Variants in FRMD6 observed in about 807,000 individuals in gnomAD.
FRMD6 encodes FERM domain containing 6, also known as FERM domain-containing protein 6.
FRMD6 carries 37 observed loss-of-function variants against 73.2 expected under a neutral mutation model. The observed-to-expected ratio is 0.51, with a 90% CI of 0.39 to 0.66. The LOEUF is 0.66. Among genes scored for constraint, FRMD6 ranks in the 30% least tolerant of loss-of-function variants. FRMD6 has a pLI of 0.00. For missense variants in FRMD6, 714 were observed against 780.5 expected, an observed-to-expected ratio of 0.91 and a Z score of 1.02; for synonymous variants, 273 against 282.2, an observed-to-expected ratio of 0.97 and a Z score of 0.33.
chr14:51,539,400 AG>A (rs1886082602), intron 1 of FRMD6, among the ~76,000 whole-genome samples: 1 of 152,204 alleles, frequency 6.6e-6, no homozygotes, highest in Admixed American at 6.5e-5. Context: ...CCCAGCAGAC[AG>A]TAAGCCTCTG....
chr14:51,715,893 G>A (rs1014630309), intron 10 of FRMD6, among the ~76,000 whole-genome samples: 7 of 152,184 alleles, frequency 4.6e-5, no homozygotes, highest in African/African-American at 1.2e-4. Context: ...ATTATCCACA[G>A]GTGGTCTGGA....
chr14:51,474,419 G>A, the FRMD6 span, among the ~76,000 whole-genome samples: 2 of 152,212 alleles, frequency 1.3e-5, no homozygotes, highest in South Asian at 4.1e-4. Flanking sequence ...TTTGGGACTG[G>A]CGGGAAAGAT....
intron 2 of FRMD6, among the ~76,000 whole-genome samples, chr14:51,592,205 G>C (rs1040122115): frequency 6.6e-6 from 1 of 152,206 alleles, no homozygotes; most frequent in Admixed American, 6.5e-5. Context: ...AAAAAAGCTT[G>C]GTTTAAAATT....
At chr14:51,523,844 C>T (rs979807214) in intron 1 of FRMD6, among the ~76,000 whole-genome samples, 11 of 152,150 alleles carry the variant, frequency 7.2e-5, no homozygotes, top group Non-Finnish European at 1.3e-4. Flanking sequence ...CAGTGTTACA[C>T]GTTTGGAAGT....
At chr14:51,580,578 T>C (rs1255884841) in intron 2 of FRMD6, among the ~76,000 whole-genome samples, 1 of 152,198 alleles carries the variant, frequency 6.6e-6, no homozygotes. Context: ...ATCAGAATCC[T>C]ACCCAATATA....
chr14:51,643,509 AT>A (rs1407251031), intron 2 of FRMD6: 1 of 152,216 alleles, frequency 6.6e-6, no homozygotes, highest in African/African-American at 2.4e-5. Flanking sequence ...GTTGACCTGA[AT>A]TTTGGGATTG....
chr14:51,566,624 C>A (rs1420457824), intron 1 of FRMD6, among the ~76,000 whole-genome samples: 1 of 152,182 alleles, frequency 6.6e-6, no homozygotes, highest in Non-Finnish European at 1.5e-5. Flanking sequence ...AGTAGCCAGG[C>A]AATCCACCAT....
chr14:51,431,989 G>A, the FRMD6 span, among the ~76,000 whole-genome samples: 25 of 152,216 alleles, frequency 1.6e-4, no homozygotes, highest in Admixed American at 5.2e-4. Flanking sequence ...TCCAGCCCTG[G>A]AGACTACAAG....
rs1322842942 is a variant in FRMD6, at chr14:51,727,917, G to A, written c.1757G>A (p.Ser586Asn). 6.2e-7 allele frequency: 1 copy of A among 1,614,204 alleles called. No individual in the cohort carries two copies. The highest frequency in any genetic ancestry group is 8.5e-7 in the Non-Finnish European group (1 of 1,180,024). The change falls in exon 14 of 14, where the codon AGT (serine) becomes AAT (asparagine). Residue 586 changes from serine to asparagine, a missense_variant. By Grantham distance (46) the Ser-to-Asn change is conservative. Coordinates refer to ENST00000344768, the MANE Select transcript of FRMD6 (RefSeq NM_001267046.2). ...GATGAGGAAGGCCTCTATTGCAACA[G>A]TTGCTTGGCCCAGCAGTGCATCAAC... ...ELDEEGLYCN[S>N]CLAQQCINIQ...
intron 1 of FRMD6, among the ~76,000 whole-genome samples, chr14:51,569,750 T>C (rs565593223): frequency 6.1e-4 from 92 of 151,836 alleles, no homozygotes; most frequent in Middle Eastern, 3.4e-3. Flanking sequence ...GATGTGCCCA[T>C]GTCAGCCTCC....
chr14:51,481,046 G>A, the FRMD6 span, among the ~76,000 whole-genome samples: 4 of 152,130 alleles, frequency 2.6e-5, no homozygotes, highest in East Asian at 1.9e-4. Flanking sequence ...AATATTTGGG[G>A]GATATCTATT....
At chr14:51,636,866 T>C (rs1036885871) in intron 2 of FRMD6, among the ~76,000 whole-genome samples, 2 of 152,188 alleles carry the variant, frequency 1.3e-5, no homozygotes, top group Non-Finnish European at 2.9e-5. Context: ...GTGAGGCCAC[T>C]GTAGAGAAAA....
intron 7 of FRMD6, 54 bp from the exon 8 acceptor site, chr14:51,711,476 CT>C: frequency 8.3e-7 from 1 of 1,201,448 alleles, no homozygotes; most frequent in Non-Finnish European, 1.2e-6. Context: ...AAATTGTCCA[CT>C]GTAGAAAAAA....
intron 1 of FRMD6, among the ~76,000 whole-genome samples, chr14:51,509,920 T>A (rs938428845): frequency 6.6e-6 from 1 of 152,192 alleles, no homozygotes; most frequent in African/African-American, 2.4e-5. Context: ...GCCACTGCCC[T>A]GCGCGTACGT....
intron 1 of FRMD6, among the ~76,000 whole-genome samples, chr14:51,663,019 A>G (rs1225215531): frequency 6.6e-6 from 1 of 152,246 alleles, no homozygotes; most frequent in Non-Finnish European, 1.5e-5. Flanking sequence ...CATATGAAAA[A>G]AAAGCTTGTC....
In FRMD6 at chr14:51,708,230, T is replaced by G; in HGVS notation, c.711T>G (p.Tyr237Ter). The change falls in exon 7 of 14, where the codon TAT becomes TAG. Residue 237 changes from tyrosine (Y) to a stop codon, truncating the protein, a stop_gained. Transcript: ENST00000344768. LOFTEE classifies it high-confidence loss of function. ...TCGCTGTTCATTACTACAGATTGTA[T>G]AAGGTATGAAACGGCAACTAAGTCT... ...DDVAVHYYRL[Y>*]KDKREIEASL... is the part of the protein sequence containing the mutation. 1 of 1,612,710 alleles carries G rather than the reference T, an allele frequency of 6.2e-7. No individual in the cohort carries two copies. Among genetic ancestry groups the G allele is most frequent in the Non-Finnish European group, 8.5e-7 (1 of 1,179,208 alleles).
intron 2 of FRMD6, among the ~76,000 whole-genome samples, chr14:51,601,154 C>A (rs1890018151): frequency 6.6e-6 from 1 of 152,168 alleles, no homozygotes; most frequent in Non-Finnish European, 1.5e-5. Context: ...ATCCACTATG[C>A]TTTGGGTAGA....
Position 51,665,218 on chromosome 14 carries a change from G to A in FRMD6, c.-147+13222G>A, listed in dbSNP as rs146966306. Among the ~76,000 whole-genome samples the A allele has an allele frequency of 2.1e-3, 321 of 152,336 alleles. 3 individuals are homozygous for A. Among genetic ancestry groups the A allele is most frequent in the African/African-American group, 7.5e-3 (311 of 41,570 alleles). On this transcript the variant is annotated intron_variant, in intron 1 of 13. Coordinates refer to ENST00000344768, the MANE Select transcript of FRMD6 (RefSeq NM_001267046.2). ...ATTTGAAGGCCTGGCAAGGTCTGTT[G>A]TAGCAACATAACAGCTTCCCCCTTT...
At chr14:51,688,527 C>T (rs560023184) in intron 1 of FRMD6, among the ~76,000 whole-genome samples, 46 of 152,072 alleles carry the variant, frequency 3.0e-4, no homozygotes, top group African/African-American at 1.1e-3. Flanking sequence ...TTCATTTATG[C>T]TTTGATTTAT....
Sources: allele counts gnomAD v4.1 joint callset (sites outside exome capture counted in the v4.1 genomes callset), GRCh38; gene constraint gnomAD v4.1.1; transcripts MANE v1.5; gene names NCBI Gene and HGNC (gene_info 2026-07-23, HGNC 2026-07-21).